Variants in CAMK4 observed in about 807,000 individuals in gnomAD.
CAMK4 encodes the protein calcium/calmodulin dependent protein kinase IV.
In CAMK4, 22 loss-of-function variants were observed where a neutral mutation model predicts 44.9. That is an observed-to-expected ratio of 0.49 (90% CI 0.35 to 0.70). CAMK4 has a LOEUF of 0.70. CAMK4 is among the 30% of genes least tolerant of loss of function. The pLI, the probability that CAMK4 is intolerant of heterozygous loss-of-function variation, is 0.01. For synonymous variants in CAMK4, 218 were observed against 215.4 expected (o/e 1.01, Z -0.11); for missense variants, 498 against 586.8 (o/e 0.85, Z 1.56).
At chr5:111,247,636 G>T (rs1435351945) in intron 1 of CAMK4, among the ~76,000 whole-genome samples, 1 of 151,874 alleles carries the variant, frequency 6.6e-6, no homozygotes, top group Non-Finnish European at 1.5e-5. Flanking sequence ...TAATACTATA[G>T]CTTTGAGGTA....
intron 7 of CAMK4, among the ~76,000 whole-genome samples, chr5:111,460,674 T>C (rs1035114623): frequency 6.6e-6 from 1 of 152,172 alleles, no homozygotes; most frequent in Non-Finnish European, 1.5e-5. Flanking sequence ...CCCACGAAAA[T>C]TGAAAGGTAG....
chr5:111,368,519 T>C (rs1750882065), intron 2 of CAMK4, among the ~76,000 whole-genome samples: 1 of 152,148 alleles, frequency 6.6e-6, no homozygotes, highest in Non-Finnish European at 1.5e-5. Context: ...TAAAGAGAAC[T>C]GCCCCTGAGA....
chr5:111,485,881 T>C lies in CAMK4; in HGVS notation c.*1415T>C, dbSNP rs1422328260. 6.6e-6 allele frequency: 1 copy of C among 152,168 alleles called. No individual in the cohort carries two copies. Among genetic ancestry groups the C allele is most frequent in the Non-Finnish European group, 1.5e-5 (1 of 68,014 alleles). 9.4% of individuals were successfully genotyped at this position (152,168 alleles called of 1,614,324 possible). ...TGCACTATCTCCAATTTATTTCTAGTTTGAGTTGAAATGAATATTTTATCA... is the reference window on the plus strand; with the variant it reads ...TGCACTATCTCCAATTTATTTCTAGCTTGAGTTGAAATGAATATTTTATCA... On this transcript the variant is annotated 3_prime_UTR_variant, in exon 11 of 11. Transcript: ENST00000282356.
At chr5:111,355,816 T>C (rs1277452358) in intron 2 of CAMK4, among the ~76,000 whole-genome samples, 1 of 149,592 alleles carries the variant, frequency 6.7e-6, no homozygotes, top group Non-Finnish European at 1.5e-5. Context: ...TCCATGTCCC[T>C]ACAAAGGACA....
At chr5:111,238,281 C>T (rs999071113) in intron 1 of CAMK4, among the ~76,000 whole-genome samples, 79 of 152,124 alleles carry the variant, frequency 5.2e-4, no homozygotes, top group Non-Finnish European at 1.3e-4. Context: ...ATGTTTATTC[C>T]TCCAAAGGCA....
chr5:111,381,293 G>T (rs1751402903), intron 4 of CAMK4, among the ~76,000 whole-genome samples: 2 of 152,136 alleles, frequency 1.3e-5, no homozygotes, highest in Admixed American at 1.3e-4. Flanking sequence ...CAGTCACAAG[G>T]TGAAGTTCCA....
intron 1 of CAMK4, among the ~76,000 whole-genome samples, chr5:111,287,755 G>A (rs777549023): frequency 3.3e-5 from 5 of 152,122 alleles, no homozygotes; most frequent in Non-Finnish European, 4.4e-5. Context: ...AGGTGGTTCT[G>A]TCTCATGAAA....
At chr5:111,231,547 G>A (rs1229429000) in intron 1 of CAMK4, among the ~76,000 whole-genome samples, 1 of 152,130 alleles carries the variant, frequency 6.6e-6, no homozygotes, top group East Asian at 1.9e-4. Context: ...TTTCAGTTAT[G>A]TAGATAGTGA....
At chr5:111,382,661 T>C (rs1751461366) in intron 4 of CAMK4, among the ~76,000 whole-genome samples, 1 of 152,198 alleles carries the variant, frequency 6.6e-6, no homozygotes, top group South Asian at 2.1e-4. Context: ...ATATACATTT[T>C]ATAGACAAGA....
intron 1 of CAMK4, among the ~76,000 whole-genome samples, chr5:111,227,755 A>G (rs1436625816): frequency 6.6e-6 from 1 of 152,202 alleles, no homozygotes; most frequent in East Asian, 1.9e-4. Context: ...GTTACGGGTG[A>G]ATTAAAAGTA....
intron 1 of CAMK4, among the ~76,000 whole-genome samples, chr5:111,232,955 G>A (rs1748546258): frequency 6.6e-6 from 1 of 152,152 alleles, no homozygotes; most frequent in African/African-American, 2.4e-5. Context: ...AGAGAAAGCA[G>A]GCATAGACAA....
intron 1 of CAMK4, among the ~76,000 whole-genome samples, chr5:111,331,582 A>T (rs1160412987): frequency 6.6e-6 from 1 of 151,686 alleles, no homozygotes; most frequent in Non-Finnish European, 1.5e-5. Flanking sequence ...AACACCTGCC[A>T]GTCTATTCTT....
chr5:111,420,657 C>G (rs967364923), intron 5 of CAMK4, among the ~76,000 whole-genome samples: 5 of 152,080 alleles, frequency 3.3e-5, no homozygotes, highest in African/African-American at 1.2e-4. Context: ...CTGAGGGGGC[C>G]GTTTATAGGC....
At chr5:111,388,163 G>T (rs2112849054) in intron 4 of CAMK4, among the ~76,000 whole-genome samples, 1 of 152,328 alleles carries the variant, frequency 6.6e-6, no homozygotes, top group South Asian at 2.1e-4. Context: ...TGGCCAAGAT[G>T]CAGTGTGCGG....
chr5:111,298,620 G>T (rs1222227401), intron 1 of CAMK4, among the ~76,000 whole-genome samples: 3 of 152,166 alleles, frequency 2.0e-5, no homozygotes, highest in African/African-American at 7.2e-5. Context: ...CTAGCCCCTG[G>T]TGGTTCTACC....
chr5:111,224,441 C>T lies in CAMK4; in HGVS notation c.-43C>T. 1 of 1,410,658 alleles carries T rather than the reference C, an allele frequency of 7.1e-7. No homozygotes were observed. The highest frequency in any genetic ancestry group is 9.4e-7 in the Non-Finnish European group (1 of 1,065,248). 87.4% of individuals were successfully genotyped at this position (1,410,658 alleles called of 1,614,324 possible). ...GGCGGCCGGCTTCTCGCTCGGGCAG[C>T]GGCGGCGGCGGCGGCGGCGGCTTCC... On this transcript the variant is annotated 5_prime_UTR_variant, in exon 1 of 11. Transcript: ENST00000282356. The surrounding 1 kb of genome is among the most constrained non-coding windows in gnomAD (Gnocchi z 5.7).
intron 2 of CAMK4, among the ~76,000 whole-genome samples, chr5:111,354,458 A>AAAG (rs10671934): frequency 6.6e-6 from 1 of 151,584 alleles, no homozygotes; most frequent in African/African-American, 2.4e-5. Flanking sequence ...AAAAAAAAAA[A>AAAG]CTACGTGAGG....
At chr5:111,456,665 A>G (rs1053594380) in intron 7 of CAMK4, among the ~76,000 whole-genome samples, 43 of 75,668 alleles carry the variant, frequency 5.7e-4, no homozygotes, top group Admixed American at 5.3e-3. Context: ...AGGGTAAACC[A>G]TTAAAAAAAA....
intron 4 of CAMK4, among the ~76,000 whole-genome samples, chr5:111,383,212 G>A (rs185519579): frequency 1.9e-4 from 29 of 152,262 alleles, no homozygotes; most frequent in African/African-American, 6.7e-4. Context: ...TCTAGAAAAG[G>A]CATGAAGGGA....
Sources: allele counts gnomAD v4.1 joint callset (sites outside exome capture counted in the v4.1 genomes callset), GRCh38; gene constraint gnomAD v4.1.1; non-coding constraint Gnocchi (gnomAD v3.1); transcripts MANE v1.5; gene names NCBI Gene and HGNC (gene_info 2026-07-23, HGNC 2026-07-21).